The following USP14 variants were observed in gnomAD, a reference collection of about 807,000 sequenced individuals.
USP14 encodes ubiquitin specific peptidase 14, also known as ubiquitin carboxyl-terminal hydrolase 14.
Under a neutral mutation model 76.5 loss-of-function variants are expected in USP14, and 38 were observed. The observed-to-expected ratio is 0.50, with a 90% CI of 0.38 to 0.65. The LOEUF is 0.65. Ranked by LOEUF, USP14 falls within the 30% of genes least tolerant of loss-of-function variation. USP14 has a pLI of 0.00. For synonymous variants in USP14, 192 were observed against 191.7 expected (o/e 1.00, Z -0.01); for missense variants, 467 against 586.5 (o/e 0.80, Z 2.10).
intron 4 of USP14, among the ~76,000 whole-genome samples, chr18:179,765 AAT>A (rs1567829276): frequency 2.7e-5 from 4 of 148,878 alleles, no homozygotes; most frequent in Non-Finnish European, 3.0e-5. Context: ...TAAAAAAAAA[AAT>A]TTTTTTTTTT....
chr18:204,601 T>A lies in USP14; in HGVS notation c.1073T>A (p.Leu358Gln). 6.2e-7 allele frequency: 1 copy of A among 1,612,126 alleles called. No individual in the cohort carries two copies. Among genetic ancestry groups the A allele is most frequent in the South Asian group, 1.1e-5 (1 of 90,644 alleles). Residue 358 changes from leucine to glutamine, a missense_variant, in exon 13 of 16, where the codon CTG becomes CAG. Physicochemically the swap from Leu to Gln is moderately radical, Grantham distance 113. Transcript: ENST00000261601. ...CCTCTTATGTTGGATATGTATGAAC[T>A]GTGTACACCAGAACTTCAAGAGAAA... ...KFPLMLDMYE[L>Q]CTPELQEKMV...
At chr18:172,379 T>G (rs1909488694) in intron 3 of USP14, among the ~76,000 whole-genome samples, 1 of 152,208 alleles carries the variant, frequency 6.6e-6, no homozygotes, top group Admixed American at 6.6e-5. Flanking sequence ...CTACTCCTAG[T>G]GAAGAAGCTG....
At chr18:189,683 A>G (rs991109227) in intron 5 of USP14, among the ~76,000 whole-genome samples, 2 of 152,108 alleles carry the variant, frequency 1.3e-5, no homozygotes, top group East Asian at 1.9e-4. Context: ...GGGTTTCATC[A>G]TGTTGGCCAG....
chr18:195,506 A>T (rs1910206379), intron 6 of USP14, among the ~76,000 whole-genome samples: 1 of 152,220 alleles, frequency 6.6e-6, no homozygotes, highest in African/African-American at 2.4e-5. Flanking sequence ...AGGGCAAGGT[A>T]TGATCACTAG....
In USP14 at chr18:211,469, C is replaced by G. The variant is rs1910668412; in HGVS notation, c.*185C>G. The G allele has an allele frequency of 1.9e-6, 1 of 520,840 alleles. No homozygotes were observed. Among genetic ancestry groups the G allele is most frequent in the South Asian group, 4.1e-5 (1 of 24,480 alleles). The allele number at this position is 520,840 out of a possible 1,614,324, so 32.3% of individuals were successfully genotyped here. Reference sequence around the variant, plus strand: ...AAAATTACAGAGAAGAGAAAATTATCTTTGGATTGTGCTGCCCTATATAAA... The same window carrying G: ...AAAATTACAGAGAAGAGAAAATTATGTTTGGATTGTGCTGCCCTATATAAA... On this transcript the variant is annotated 3_prime_UTR_variant, in exon 16 of 16. Coordinates refer to ENST00000261601, the MANE Select transcript of USP14 (RefSeq NM_005151.4).
At chr18:161,431 C>A in intron 1 of USP14, among the ~76,000 whole-genome samples, 1 of 152,206 alleles carries the variant, frequency 6.6e-6, no homozygotes, top group Non-Finnish European at 1.5e-5. Flanking sequence ...AACACCTAAT[C>A]TTTTCTTGAG....
chr18:203,573 G>A (rs553040932), intron 12 of USP14, among the ~76,000 whole-genome samples: 10 of 151,856 alleles, frequency 6.6e-5, no homozygotes, highest in African/African-American at 2.4e-4. Context: ...TGGGTGTGAG[G>A]TAGGGAGTGA....
At chr18:195,621 A>T (rs1317157412) in intron 6 of USP14, among the ~76,000 whole-genome samples, 1 of 152,312 alleles carries the variant, frequency 6.6e-6, no homozygotes, top group Admixed American at 6.5e-5. Context: ...GGTTTTCTGA[A>T]GAAGGTAAAT....
intron 5 of USP14, among the ~76,000 whole-genome samples, chr18:182,896 T>A (rs567660848): frequency 2.6e-5 from 4 of 152,294 alleles, no homozygotes; most frequent in East Asian, 1.9e-4. Flanking sequence ...GATGGGAGAT[T>A]AGCAGGGGCC....
intron 2 of USP14, among the ~76,000 whole-genome samples, chr18:164,105 A>T (rs1909199999): frequency 6.6e-6 from 1 of 152,368 alleles, no homozygotes; most frequent in Non-Finnish European, 1.5e-5. Flanking sequence ...TCTGTGGGTC[A>T]GGAGAGTGGA....
intron 13 of USP14, among the ~76,000 whole-genome samples, chr18:209,001 G>A (rs1225334679): frequency 6.6e-5 from 10 of 152,146 alleles, no homozygotes; most frequent in South Asian, 2.1e-4. Flanking sequence ...TCGCCCCGGC[G>A]TAAGCCACTA....
At chr18:202,808 T>C in intron 10 of USP14, 72 bp from the exon 11 acceptor site, 1 of 1,476,688 alleles carries the variant, frequency 6.8e-7, no homozygotes, top group Non-Finnish European at 9.4e-7. Context: ...AAAGGCTTAC[T>C]GGTGTGATTC....
At chr18:200,348 C>T (rs1269188674) in intron 10 of USP14, among the ~76,000 whole-genome samples, 4 of 152,142 alleles carry the variant, frequency 2.6e-5, no homozygotes, top group Non-Finnish European at 5.9e-5. Context: ...TTGTCTAAAC[C>T]AGGACACTTT....
At chr18:202,774 C>A in intron 10 of USP14, 106 bp from the exon 11 acceptor site, 2 of 1,010,996 alleles carry the variant, frequency 2.0e-6, no homozygotes, top group Non-Finnish European at 3.0e-6. Context: ...CTGTATATTG[C>A]CTCTTAGGTA....
intron 6 of USP14, 90 bp from the exon 7 acceptor site, chr18:196,547 T>G: frequency 9.2e-6 from 13 of 1,408,262 alleles, no homozygotes; most frequent in South Asian, 1.5e-5. Flanking sequence ...ATTAAGTAAG[T>G]TTTTGTTTGT....
chr18:180,206 T>C, intron 4 of USP14, 30 bp from the exon 5 acceptor site: 1 of 1,272,870 alleles, frequency 7.9e-7, no homozygotes, highest in Non-Finnish European at 1.1e-6. Context: ...TTTAATGATT[T>C]AATCCTTTTT....
intron 3 of USP14, among the ~76,000 whole-genome samples, chr18:173,824 ATTC>A (rs1448212777): frequency 6.6e-6 from 1 of 152,194 alleles, no homozygotes; most frequent in Non-Finnish European, 1.5e-5. Context: ...TGAAAAGACT[ATTC>A]TTTTCCATTC....
chr18:204,889 A>C (rs1910487120), intron 13 of USP14, among the ~76,000 whole-genome samples, 197 bp downstream of exon 13: 1 of 150,304 alleles, frequency 6.7e-6, no homozygotes, highest in African/African-American at 2.4e-5. Flanking sequence ...AAAGTTTTGC[A>C]TGTGTTTTAT....
chr18:195,222 A>G (rs939151646), intron 6 of USP14, among the ~76,000 whole-genome samples: 2 of 151,912 alleles, frequency 1.3e-5, no homozygotes, highest in African/African-American at 2.4e-5. Context: ...TGAGTAGTGT[A>G]TAAAATATTG....
Sources: gnomAD v4.1 joint callset for allele counts (sites outside exome capture counted in the v4.1 genomes callset) on GRCh38, gnomAD v4.1.1 for gene constraint, MANE v1.5 for transcripts, NCBI Gene and HGNC (gene_info 2026-07-23, HGNC 2026-07-21) for gene names.